LINGO2: variants seen among roughly 807,000 people sequenced by gnomAD.
LINGO2 encodes leucine-rich repeat and immunoglobulin-like domain-containing nogo receptor-interacting protein 2.
LINGO2 carries 14 observed loss-of-function variants against 30.6 expected under a neutral mutation model. The ratio of observed to expected loss-of-function variants is 0.46; its 90% CI spans 0.30 to 0.72. LINGO2 has a LOEUF of 0.72. Ranked by LOEUF, LINGO2 falls within the 30% of genes least tolerant of loss-of-function variation. LINGO2 has a pLI of 0.07. For missense variants in LINGO2, 729 were observed against 751.7 expected (o/e 0.97, Z 0.35); for synonymous variants, 317 against 288.5 (o/e 1.10, Z -1.00).
At chr9:28,385,575 T>C (rs1201586086) in intron 2 of LINGO2, among the ~76,000 whole-genome samples, 1 of 152,180 alleles carries the variant, frequency 6.6e-6, no homozygotes, top group Non-Finnish European at 1.5e-5. Flanking sequence ...AGAAGGTATA[T>C]GCAGCTTAGG....
the LINGO2 span, among the ~76,000 whole-genome samples, chr9:28,819,762 T>C: frequency 1.3e-5 from 2 of 152,198 alleles, no homozygotes; most frequent in Non-Finnish European, 2.9e-5. Context: ...GTGCTGACCA[T>C]TAAGTCAGTG....
chr9:28,335,805 A>T (rs1162045315), intron 3 of LINGO2, among the ~76,000 whole-genome samples: 1 of 152,118 alleles, frequency 6.6e-6, no homozygotes, highest in Non-Finnish European at 1.5e-5. Context: ...ATTGGCATGG[A>T]TGTACAACAG....
chr9:29,189,148 A>AC, the LINGO2 span, among the ~76,000 whole-genome samples: 31 of 96,758 alleles, frequency 3.2e-4, no homozygotes, highest in African/African-American at 1.1e-3. Context: ...CGGGGGGCTG[A>AC]CCCCCCCACC....
intron 5 of LINGO2, among the ~76,000 whole-genome samples, chr9:28,001,337 T>G (rs145184563): frequency 3.3e-4 from 50 of 152,278 alleles, no homozygotes; most frequent in African/African-American, 1.2e-3. Flanking sequence ...GAATAGCAAC[T>G]GATGTAACAG....
At chr9:29,163,851 C>T in the LINGO2 span, among the ~76,000 whole-genome samples, 1 of 152,110 alleles carries the variant, frequency 6.6e-6, no homozygotes, top group Admixed American at 6.6e-5. Context: ...AACAGTACCT[C>T]CCATCTTACA....
chr9:28,273,486 T>C (rs970869629), intron 4 of LINGO2, among the ~76,000 whole-genome samples: 5 of 152,184 alleles, frequency 3.3e-5, no homozygotes, highest in Admixed American at 2.6e-4. Context: ...GTAGTGAGCA[T>C]TATTCCCAAA....
At chr9:28,917,849 T>C in the LINGO2 span, among the ~76,000 whole-genome samples, 1 of 151,968 alleles carries the variant, frequency 6.6e-6, no homozygotes, top group Non-Finnish European at 1.5e-5. Context: ...AATGTATTCT[T>C]CTAGGTTGAA....
chr9:29,003,942 T>C, the LINGO2 span, among the ~76,000 whole-genome samples: 1 of 152,000 alleles, frequency 6.6e-6, no homozygotes, highest in African/African-American at 2.4e-5. Context: ...CAAATATCTA[T>C]TTCATGATCT....
chr9:28,118,581 T>C (rs1028911870), intron 4 of LINGO2, among the ~76,000 whole-genome samples: 6 of 152,152 alleles, frequency 3.9e-5, no homozygotes, highest in Admixed American at 6.6e-5. Context: ...TATGAGAAGA[T>C]AGTTCAGTGT....
At chr9:28,047,364 A>ATCTATATCT (rs1554665728) in intron 4 of LINGO2, among the ~76,000 whole-genome samples, 1 of 151,476 alleles carries the variant, frequency 6.6e-6, no homozygotes, top group African/African-American at 2.4e-5. Context: ...TACTGTATGA[A>ATCTATATCT]AGATCTACTA....
rs34034595 is a variant in LINGO2, at chr9:28,285,398, A to ATTTTT, written c.-87+9805_-87+9809dup. ...CTGAGAGGACACGTTGCCCAAGATC[A>ATTTTT]TTTTTTTTTTTTTTTTTTTTTTTTT... On this transcript the variant is annotated intron_variant, in intron 4 of 5. Coordinates refer to ENST00000379992, the Ensembl canonical transcript of LINGO2. Among the ~76,000 whole-genome samples the ATTTTT allele has an allele frequency of 1.4e-3, 104 of 76,196 alleles. 4 individuals are homozygous for ATTTTT. The highest frequency in any genetic ancestry group is 4.0e-3 in the East Asian group (9 of 2,250). The allele number at this position is 76,196 out of a possible 152,430, so 50.0% of individuals were successfully genotyped here.
At chr9:28,032,361 G>A (rs145371533) in intron 4 of LINGO2, among the ~76,000 whole-genome samples, 1 of 152,266 alleles carries the variant, frequency 6.6e-6, no homozygotes, top group East Asian at 1.9e-4. Context: ...AGGGCTATAG[G>A]AATGCTGATC....
chr9:28,258,453 A>G (rs1470633767), intron 4 of LINGO2, among the ~76,000 whole-genome samples: 1 of 151,994 alleles, frequency 6.6e-6, no homozygotes, highest in Non-Finnish European at 1.5e-5. Flanking sequence ...ATAAACATAT[A>G]AAAAGATCAC....
chr9:28,370,357 C>A (rs922883623), intron 3 of LINGO2, among the ~76,000 whole-genome samples: 1 of 152,018 alleles, frequency 6.6e-6, no homozygotes, highest in Non-Finnish European at 1.5e-5. Flanking sequence ...TACACGCATG[C>A]AAAAACAAAA....
At chr9:29,044,169 A>C in the LINGO2 span, among the ~76,000 whole-genome samples, 4 of 151,968 alleles carry the variant, frequency 2.6e-5, no homozygotes, top group African/African-American at 4.8e-5. Flanking sequence ...CTGAGAATTA[A>C]ATTTGACAAT....
chr9:28,603,864 T>G (rs185110564), intron 1 of LINGO2, among the ~76,000 whole-genome samples: 1 of 152,144 alleles, frequency 6.6e-6, no homozygotes, highest in African/African-American at 2.4e-5. Context: ...TGCTGTCCAT[T>G]TTTATTGAAG....
the LINGO2 span, among the ~76,000 whole-genome samples, chr9:29,202,461 T>A: frequency 6.6e-6 from 1 of 152,038 alleles, no homozygotes; most frequent in Non-Finnish European, 1.5e-5. Context: ...GAGTATAAAT[T>A]AATAATTACA....
chr9:29,107,039 A>C, the LINGO2 span, among the ~76,000 whole-genome samples: 1 of 152,184 alleles, frequency 6.6e-6, no homozygotes, highest in South Asian at 2.1e-4. Context: ...TCTATAACAC[A>C]CACATTATTT....
chr9:28,953,287 GA>G, the LINGO2 span, among the ~76,000 whole-genome samples: 34 of 152,254 alleles, frequency 2.2e-4, no homozygotes, highest in Non-Finnish European at 3.8e-4. Flanking sequence ...TGAGGAGATA[GA>G]AAGTTGTCTT....
Sources: allele counts gnomAD v4.1 joint callset (sites outside exome capture counted in the v4.1 genomes callset), GRCh38; gene constraint gnomAD v4.1.1; transcripts MANE v1.5; gene names NCBI Gene and HGNC (gene_info 2026-07-23, HGNC 2026-07-21).